Variants in SIPA1L2 observed in about 807,000 individuals in gnomAD.
SIPA1L2 encodes signal induced proliferation associated 1 like 2, also known as signal-induced proliferation-associated 1-like protein 2.
In SIPA1L2, 56 loss-of-function variants were observed where a neutral mutation model predicts 163.9. The observed-to-expected ratio is 0.34, with a 90% CI of 0.28 to 0.43. The LOEUF is 0.43. Among genes scored for constraint, SIPA1L2 ranks in the 20% least tolerant of loss-of-function variants. The probability of loss-of-function intolerance (pLI) is 1.00; values close to 1 mark genes in which losing one functional copy is unlikely to be tolerated. For missense variants in SIPA1L2, 1,974 were observed against 2,193.5 expected (o/e 0.90, Z 2.00); for synonymous variants, 877 against 865.7 (o/e 1.01, Z -0.23).
rs771862876 is a variant in SIPA1L2 at position 232,522,225 on chromosome 1, CT to C, written c.-269-6618del. Among the ~76,000 whole-genome samples, 5 of 152,284 alleles carry C rather than the reference CT, an allele frequency of 3.3e-5. No homozygotes were observed. In the East Asian group the frequency reaches 7.7e-4, roughly 24 times the overall value. On this transcript the variant is annotated intron_variant, in intron 2 of 22. Transcript: ENST00000674635. ...CCTTATTTCCCTCTGAATAAAGCTG[CT>C]TGCTTTAAGGCAGCACAAGCCACTC...
chr1:232,580,941 T>G (rs1242870253), intron 1 of SIPA1L2, among the ~76,000 whole-genome samples: 2 of 152,166 alleles, frequency 1.3e-5, no homozygotes, highest in East Asian at 3.9e-4. Context: ...ACACTAACTT[T>G]ATCCCTCTCC....
chr1:232,572,738 CATATAT>C (rs1219493276), intron 2 of SIPA1L2, among the ~76,000 whole-genome samples: 66 of 39,664 alleles, frequency 1.7e-3, no homozygotes, highest in Middle Eastern at 0.014. Context: ...TACATACATA[CATATAT>C]ATATATATAT....
At chr1:232,449,594 C>T (rs1008706344) in intron 10 of SIPA1L2, among the ~76,000 whole-genome samples, 6 of 137,244 alleles carry the variant, frequency 4.4e-5, no homozygotes, top group African/African-American at 8.3e-5. Flanking sequence ...AGACCTATCA[C>T]AAAAGAGAAG....
At chr1:232,618,316 C>T (rs1040415786) in intron 1 of SIPA1L2, among the ~76,000 whole-genome samples, 2 of 152,136 alleles carry the variant, frequency 1.3e-5, no homozygotes, top group East Asian at 1.9e-4. Flanking sequence ...TCAGGCGAGG[C>T]GAGCTCTTTT....
Position 232,478,839 on chromosome 1 carries a change from T to A in SIPA1L2, c.2085+788A>T, listed in dbSNP as rs919793841. Among the ~76,000 whole-genome samples, 3 of 152,356 alleles carry A rather than the reference T, an allele frequency of 2.0e-5. No individual in the cohort carries two copies. In the East Asian group the frequency reaches 5.8e-4, roughly 29 times the overall value. ...TCTTCAAAAAATCTTCAGCTTAACA[T>A]GGGCAGAGCCCAGAAGATTCTAAAC... On this transcript the variant is annotated intron_variant, in intron 7 of 22. Transcript: ENST00000674635.
chr1:232,453,014 T>A (rs1663679095), intron 10 of SIPA1L2, among the ~76,000 whole-genome samples: 1 of 152,220 alleles, frequency 6.6e-6, no homozygotes, highest in African/African-American at 2.4e-5. Context: ...CATAAAATTT[T>A]ATGAAAGTTC....
At chr1:232,433,214 C>T (rs1015567383) in intron 15 of SIPA1L2, among the ~76,000 whole-genome samples, 7 of 152,168 alleles carry the variant, frequency 4.6e-5, no homozygotes, top group Non-Finnish European at 5.9e-5. Context: ...GAATACTCTA[C>T]GAATGAATGG....
chr1:232,605,432 C>T (rs111730596), intron 1 of SIPA1L2, among the ~76,000 whole-genome samples: 4 of 152,294 alleles, frequency 2.6e-5, no homozygotes, highest in South Asian at 2.1e-4. Flanking sequence ...TGGTGGCTCA[C>T]GCCTGTAATT....
At chr1:232,522,653 G>A (rs548088278) in intron 2 of SIPA1L2, among the ~76,000 whole-genome samples, 2 of 152,246 alleles carry the variant, frequency 1.3e-5, no homozygotes, top group South Asian at 2.1e-4. Flanking sequence ...ATATGCTGCT[G>A]AGATGATGGT....
At chr1:232,462,053 A>C (rs1021728791) in intron 9 of SIPA1L2, 9 of 716,008 alleles carry the variant, frequency 1.3e-5, no homozygotes, top group Non-Finnish European at 2.0e-5. Context: ...AAGCAATGGA[A>C]GCCTCAGTGT....
chr1:232,423,099 G>A (rs952194149), intron 18 of SIPA1L2, among the ~76,000 whole-genome samples: 12 of 152,150 alleles, frequency 7.9e-5, no homozygotes, highest in African/African-American at 1.2e-4. Context: ...AGTCAGCCAC[G>A]CACGAGATTC....
intron 3 of SIPA1L2, 68 bp downstream of exon 3, chr1:232,513,789 A>C: frequency 2.0e-6 from 3 of 1,490,392 alleles, no homozygotes; most frequent in Non-Finnish European, 2.7e-6. Flanking sequence ...ACACAAAGCA[A>C]AACATTGTGA....
At chr1:232,572,264 G>A (rs1344618276) in intron 2 of SIPA1L2, among the ~76,000 whole-genome samples, 3 of 152,150 alleles carry the variant, frequency 2.0e-5, no homozygotes, top group Non-Finnish European at 4.4e-5. Flanking sequence ...ACTTAGATTC[G>A]GAGGAAACCA....
chr1:232,549,579 T>C lies in SIPA1L2; in HGVS notation c.-270+24595A>G, dbSNP rs1412517285. 2.4e-4 allele frequency among the ~76,000 whole-genome samples: 36 copies of C among 152,186 alleles called. 1 individual carries two copies. The highest frequency in any genetic ancestry group is 2.9e-5 in the Non-Finnish European group (2 of 68,040). On this transcript the variant is annotated intron_variant, in intron 2 of 22. Coordinates refer to ENST00000674635, the MANE Select transcript of SIPA1L2 (RefSeq NM_020808.5). The stretch of plus-strand genomic sequence containing the variant: ...CTGATGTTGATGGGAGCTCCTATTA[T>C]GTGGGAAATTTCCGTTAAGTGGGAC...
At chr1:232,600,271 T>C (rs908387650) in intron 1 of SIPA1L2, among the ~76,000 whole-genome samples, 1 of 151,882 alleles carries the variant, frequency 6.6e-6, no homozygotes, top group Non-Finnish European at 1.5e-5. Context: ...TGCTGTGCTA[T>C]AGTAGCAGAA....
rs746222332 is a variant in SIPA1L2, at chr1:232,464,798, G to T, written c.2820+42C>A. 50 of 1,483,382 alleles carry T rather than the reference G, an allele frequency of 3.4e-5. No homozygotes were observed. The South Asian group carries it at 6.6e-4, about 19-fold the overall frequency. The allele number at this position is 1,483,382 out of a possible 1,614,324, so 91.9% of individuals were successfully genotyped here. A position where few individuals can be genotyped will look rare whatever the true frequency, so the allele number is the denominator to read the frequency against. Reference sequence around the variant, plus strand: ...TGAAAGTTATTTTGAATCTGGAATTGAAAACATAAGGATGGCGGGAAAATA... The same window carrying T: ...TGAAAGTTATTTTGAATCTGGAATTTAAAACATAAGGATGGCGGGAAAATA... On this transcript the variant is annotated intron_variant, in intron 9 of 22. Transcript: ENST00000674635.
intron 3 of SIPA1L2, among the ~76,000 whole-genome samples, chr1:232,510,997 A>G (rs1322406016): frequency 6.6e-6 from 1 of 152,212 alleles, no homozygotes; most frequent in Admixed American, 6.5e-5. Context: ...AACAGACTTT[A>G]TTTTATTAAG....
rs544248330 is a variant in SIPA1L2, at chr1:232,465,521, C to G, written c.2244-105G>C. The G allele has an allele frequency of 3.0e-5, 26 of 856,330 alleles. No individual in the cohort carries two copies. In the African/African-American group the frequency reaches 3.4e-4, roughly 11 times the overall value. 53.0% of individuals were successfully genotyped at this position (856,330 alleles called of 1,614,324 possible). ...ACACACACACACACATATACATACA[C>G]ACACACACACACATATACATACACA... On this transcript the variant is annotated intron_variant, in intron 8 of 22. Transcript: ENST00000674635. The surrounding 1 kb of genome is among the most constrained non-coding windows in gnomAD (Gnocchi z 4.1).
Position 232,402,465 on chromosome 1 carries a change from G to A in SIPA1L2, c.4949C>T (p.Ser1650Phe). ...KEFMDTTGERSPSPLTGKVNQ... is the reference protein window; with the variant it reads ...KEFMDTTGERFPSPLTGKVNQ... ...GACTTTCCCGGTCAGTGGTGATGGAGAACGCTCCCTAGCAAATAAGGATAG... is the reference window on the plus strand; with the variant it reads ...GACTTTCCCGGTCAGTGGTGATGGAAAACGCTCCCTAGCAAATAAGGATAG... Residue 1650 changes from serine to phenylalanine, a missense_variant, in exon 22 of 23, where the codon TCT becomes TTT. Physicochemically the swap from Ser to Phe is radical, Grantham distance 155 (BLOSUM62 -2). This residue lies in a region of SIPA1L2 where 1,079 missense variants were observed against 1,150.7 expected (regional missense o/e 0.94). Transcript: ENST00000674635. 1 of 1,613,172 alleles carries A rather than the reference G, an allele frequency of 6.2e-7. No homozygotes were observed. The highest frequency in any genetic ancestry group is 1.7e-4 in the Middle Eastern group (1 of 6,058).
Sources: allele counts gnomAD v4.1 joint callset (sites outside exome capture counted in the v4.1 genomes callset), GRCh38; gene constraint gnomAD v4.1.1; regional missense constraint gnomAD v4.1.1; non-coding constraint Gnocchi (gnomAD v3.1); transcripts MANE v1.5; gene names NCBI Gene and HGNC (gene_info 2026-07-23, HGNC 2026-07-21).